MET: variants seen among roughly 807,000 people sequenced by gnomAD.
The protein encoded by MET is MET proto-oncogene, receptor tyrosine kinase, also known as hepatocyte growth factor receptor.
Under a neutral mutation model 133.1 loss-of-function variants are expected in MET, and 48 were observed. The ratio of observed to expected loss-of-function variants is 0.36; its 90% CI spans 0.29 to 0.46. The LOEUF is 0.46. Ranked by LOEUF, MET falls within the 20% of genes least tolerant of loss-of-function variation. MET has a pLI of 1.00. For missense variants in MET, 1,442 were observed against 1,695.9 expected, an observed-to-expected ratio of 0.85 and a Z score of 2.63; for synonymous variants, 628 against 616.5, an observed-to-expected ratio of 1.02 and a Z score of -0.28.
chr7:116,702,677 G>A (rs1174026356), intron 2 of MET, among the ~76,000 whole-genome samples: 2 of 152,240 alleles, frequency 1.3e-5, no homozygotes, highest in Admixed American at 1.3e-4. Context: ...CACACATATT[G>A]TAGTTTTGTT....
At chr7:116,785,413 G>A (rs989324791) in intron 19 of MET, among the ~76,000 whole-genome samples, 2 of 152,140 alleles carry the variant, frequency 1.3e-5, no homozygotes, top group African/African-American at 4.8e-5. Context: ...CAAGTGGGGG[G>A]AGGGGGAGCA....
intron 1 of MET, among the ~76,000 whole-genome samples, chr7:116,691,720 A>G (rs1377784179): frequency 6.6e-6 from 1 of 152,170 alleles, no homozygotes; most frequent in Non-Finnish European, 1.5e-5. Context: ...AGACATCCCA[A>G]GTTAACATCA....
At chr7:116,771,283 A>G (rs1794819592) in intron 12 of MET, among the ~76,000 whole-genome samples, 1 of 152,226 alleles carries the variant, frequency 6.6e-6, no homozygotes, top group South Asian at 2.1e-4. Context: ...AAATACAAAC[A>G]GCTAAGTACC....
At position 116,672,279 on chromosome 7, in the gene MET, G is replaced by T; in HGVS notation, c.-313G>T. 5.7e-6 allele frequency: 1 copy of T among 176,834 alleles called. No homozygotes were observed. The highest frequency in any genetic ancestry group is 1.2e-5 in the Non-Finnish European group (1 of 85,352). 11.0% of individuals were successfully genotyped at this position (176,834 alleles called of 1,614,324 possible). A position where few individuals can be genotyped will look rare whatever the true frequency, so the allele number is the denominator to read the frequency against. On this transcript the variant is annotated 5_prime_UTR_variant, in exon 1 of 21. Coordinates refer to ENST00000397752, the MANE Select transcript of MET (RefSeq NM_000245.4). ...GGCCCCAACGCGCCCGGGCCGCCGCGGGCCGCGCGCGCCGATGCCCGGCTG... is the reference window on the plus strand; with the variant it reads ...GGCCCCAACGCGCCCGGGCCGCCGCTGGCCGCGCGCGCCGATGCCCGGCTG...
At chr7:116,694,111 G>A (rs532482919) in intron 1 of MET, among the ~76,000 whole-genome samples, 6 of 152,248 alleles carry the variant, frequency 3.9e-5, no homozygotes, top group South Asian at 4.1e-4. Context: ...CCAGCTCAGC[G>A]CCAAATACTT....
chr7:116,774,536 T>G lies in MET; in HGVS notation c.3029-345T>G, dbSNP rs191268392. ...CATTTTCTTATATTTGAGCTGGATT[T>G]TTGTGAGACGAGGCAATTGCTCAAC... On this transcript the variant is annotated intron_variant, in intron 14 of 20. Coordinates refer to ENST00000397752, the MANE Select transcript of MET (RefSeq NM_000245.4). Among the ~76,000 whole-genome samples, 193 of 152,354 alleles carry G rather than the reference T, an allele frequency of 1.3e-3. 1 individual carries two copies. The highest frequency in any genetic ancestry group is 4.5e-3 in the African/African-American group (186 of 41,576).
intron 2 of MET, among the ~76,000 whole-genome samples, chr7:116,730,432 G>A (rs1039176965): frequency 6.6e-6 from 1 of 152,178 alleles, no homozygotes; most frequent in Non-Finnish European, 1.5e-5. Flanking sequence ...TAAATAGAGA[G>A]GGATATGGTC....
chr7:116,726,344 C>T (rs1328396840), intron 2 of MET, among the ~76,000 whole-genome samples: 1 of 150,598 alleles, frequency 6.6e-6, no homozygotes, highest in Non-Finnish European at 1.5e-5. Context: ...CCTGTAGTTG[C>T]GCTACACAGG....
At chr7:116,721,342 T>A (rs1211857489) in intron 2 of MET, among the ~76,000 whole-genome samples, 1 of 152,208 alleles carries the variant, frequency 6.6e-6, no homozygotes, top group Non-Finnish European at 1.5e-5. Flanking sequence ...ATCCCCTTTA[T>A]CATTTTTTAT....
chr7:116,786,656 G>A (rs542904678), intron 19 of MET, among the ~76,000 whole-genome samples: 1 of 152,302 alleles, frequency 6.6e-6, no homozygotes, highest in South Asian at 2.1e-4. Flanking sequence ...GGAATGGAGA[G>A]TACACTTATT....
chr7:116,704,873 A>C (rs558282945), intron 2 of MET, among the ~76,000 whole-genome samples: 1 of 152,272 alleles, frequency 6.6e-6, no homozygotes, highest in South Asian at 2.1e-4. Context: ...AGAAAAAGTC[A>C]ACCTCATAGG....
At chr7:116,769,362 T>G (rs1794753421) in intron 11 of MET, among the ~76,000 whole-genome samples, 2 of 152,216 alleles carry the variant, frequency 1.3e-5, no homozygotes, top group Admixed American at 1.3e-4. Context: ...AGGTAAGACA[T>G]CATTCCACAT....
intron 20 of MET, 24 bp downstream of exon 20, chr7:116,795,815 T>TA (rs764327245): frequency 3.7e-6 from 6 of 1,614,238 alleles, no homozygotes; most frequent in Middle Eastern, 1.6e-4. Context: ...CTGTACCTCT[T>TA]ACGTTCTTTA....
intron 1 of MET, among the ~76,000 whole-genome samples, chr7:116,698,150 C>T (rs1482052342): frequency 1.3e-5 from 2 of 152,124 alleles, no homozygotes; most frequent in African/African-American, 4.8e-5. Flanking sequence ...TACTACCCTG[C>T]CTATAACTAT....
chr7:116,687,488 C>G (rs1796604024), intron 1 of MET, among the ~76,000 whole-genome samples: 1 of 152,266 alleles, frequency 6.6e-6, no homozygotes, highest in East Asian at 1.9e-4. Context: ...ACTTTTAATT[C>G]TTCTTCCAAC....
At chr7:116,756,112 A>G (rs572172818) in intron 6 of MET, among the ~76,000 whole-genome samples, 1 of 152,354 alleles carries the variant, frequency 6.6e-6, no homozygotes, top group Admixed American at 6.5e-5. Flanking sequence ...CCTGAAGTTC[A>G]GAGAGATGAA....
In MET at chr7:116,754,905, A is replaced by AAGAG. The variant is rs1794076021; in HGVS notation, c.1702-447_1702-446insGAGA. Among the ~76,000 whole-genome samples, 3 of 86,664 alleles carry AAGAG rather than the reference A, an allele frequency of 3.5e-5. No homozygotes were observed. The South Asian group carries it at 1.2e-3, about 33-fold the overall frequency. The allele number at this position is 86,664 out of a possible 152,430, so 56.9% of individuals were successfully genotyped here. On this transcript the variant is annotated intron_variant, in intron 5 of 20. Coordinates refer to ENST00000397752, the MANE Select transcript of MET (RefSeq NM_000245.4). ...AGAGAGAGAAAGAGAGAAAGAAAGA[A>AAGAG]AGAAAGAAAGAAAGAAAGAAAGAAA...
At chr7:116,779,576 C>T (rs115164400) in intron 17 of MET, among the ~76,000 whole-genome samples, 491 of 152,300 alleles carry the variant, frequency 3.2e-3, no homozygotes, top group African/African-American at 0.011. Context: ...TTTCCCCCAT[C>T]ACACTTAACT....
At chr7:116,706,046 C>T (rs1208808330) in intron 2 of MET, among the ~76,000 whole-genome samples, 1 of 151,974 alleles carries the variant, frequency 6.6e-6, no homozygotes, top group African/African-American at 2.4e-5. Context: ...TCTCTCTACC[C>T]CAGGAAAGAT....
Sources: allele counts gnomAD v4.1 joint callset (sites outside exome capture counted in the v4.1 genomes callset), GRCh38; gene constraint gnomAD v4.1.1; transcripts MANE v1.5; gene names NCBI Gene and HGNC (gene_info 2026-07-23, HGNC 2026-07-21).